Variants in IL17RC observed in about 807,000 individuals in gnomAD.
The protein encoded by IL17RC is interleukin-17 receptor C.
Under a neutral mutation model 86.7 loss-of-function variants are expected in IL17RC, and 53 were observed. That is an observed-to-expected ratio of 0.61 (90% CI 0.49 to 0.77). The LOEUF is 0.77. Ranked by LOEUF, IL17RC falls within the 30% of genes least tolerant of loss-of-function variation. The pLI is 0.00. For synonymous variants in IL17RC, 439 were observed against 413.1 expected, an observed-to-expected ratio of 1.06 and a Z score of -0.76; for missense variants, 957 against 940.0, an observed-to-expected ratio of 1.02 and a Z score of -0.24.
intron 5 of IL17RC, among the ~76,000 whole-genome samples, chr3:9,919,743 T>C (rs2083395219): frequency 6.6e-6 from 1 of 152,072 alleles, no homozygotes. Context: ...ACTGAATAAT[T>C]TCAATAAATT....
chr3:9,928,112 G>A (rs2084266416), intron 9 of IL17RC, 54 bp from the exon 10 acceptor site: 2 of 1,560,136 alleles, frequency 1.3e-6, no homozygotes, highest in Non-Finnish European at 1.8e-6. Context: ...TCCAGCAGAG[G>A]GCCAGGCACA....
At position 9,917,969 on chromosome 3, in the gene IL17RC, C is replaced by T. The variant is rs781402767; in HGVS notation, c.174C>T (p.Gly58=). The change falls in exon 3 of 19, where the codon GGC becomes GGT. Residue 58 remains glycine (G), a synonymous_variant. Transcript: ENST00000403601. ...CTGGGGACATCGTGCCTGCTCCGGG[C>T]CCCGTGCTGGCGCCTACGCACCTGC... The part of the protein sequence containing the change: ...CLPGDIVPAP[G]PVLAPTHLQT... 6.2e-7 allele frequency: 1 copy of T among 1,613,736 alleles called. No individual in the cohort carries two copies. Among genetic ancestry groups the T allele is most frequent in the East Asian group, 2.2e-5 (1 of 44,880 alleles).
Position 9,930,565 on chromosome 3 carries a change from A to T in IL17RC, c.1338+106A>T. The T allele has an allele frequency of 8.6e-7, 1 of 1,169,108 alleles. No individual in the cohort carries two copies. The highest frequency in any genetic ancestry group is 1.2e-6 in the Non-Finnish European group (1 of 808,084). The allele number at this position is 1,169,108 out of a possible 1,614,324, so 72.4% of individuals were successfully genotyped here. ...GGCTTATTTTATGTTCAGCCCTGGG[A>T]AAGTTAAGAGTAGAAGAAGCACAGT... is the stretch of plus-strand genomic sequence containing the variant. On this transcript the variant is annotated intron_variant, in intron 15 of 18. Coordinates refer to ENST00000403601, the MANE Select transcript of IL17RC (RefSeq NM_153460.4). This position sits in a 1 kb window ranked among gnomAD's most constrained non-coding sequence, Gnocchi z 5.8.
chr3:9,921,055 C>A, intron 7 of IL17RC, 86 bp downstream of exon 7: 1 of 749,534 alleles, frequency 1.3e-6, no homozygotes, highest in Non-Finnish European at 2.2e-6. Flanking sequence ...CAGATATGGG[C>A]TACCACATCT....
intron 12 of IL17RC, 41 bp downstream of exon 12, chr3:9,928,671 T>C (rs763273039): frequency 1.2e-6 from 2 of 1,603,584 alleles, no homozygotes; most frequent in South Asian, 1.1e-5. Flanking sequence ...AGGCTGGACC[T>C]GGGCAGACCC....
chr3:9,917,559 G>C, intron 1 of IL17RC, 139 bp downstream of exon 1: 1 of 1,614,196 alleles, frequency 6.2e-7, no homozygotes, highest in Non-Finnish European at 8.5e-7. Flanking sequence ...TGGTAGAAGA[G>C]AAGAACGGGG....
chr3:9,917,266 G>C lies in IL17RC; in HGVS notation c.-50G>C, dbSNP rs761009750. 2.0e-6 allele frequency: 3 copies of C among 1,464,958 alleles called. No individual in the cohort carries two copies. The highest frequency in any genetic ancestry group is 2.8e-6 in the Non-Finnish European group (3 of 1,076,910). 90.7% of individuals were successfully genotyped at this position (1,464,958 alleles called of 1,614,324 possible). On this transcript the variant is annotated 5_prime_UTR_variant, in exon 1 of 19. Transcript: ENST00000403601. ...TGACTGGGGTGTCTGCCCCCCTTGGGGGGGGGCAGCACAGGGCCTCAGGCC... is the reference window on the plus strand; with the variant it reads ...TGACTGGGGTGTCTGCCCCCCTTGGCGGGGGGCAGCACAGGGCCTCAGGCC...
At chr3:9,919,402 T>C (rs2083359367) in intron 5 of IL17RC, among the ~76,000 whole-genome samples, 1 of 152,164 alleles carries the variant, frequency 6.6e-6, no homozygotes, top group African/African-American at 2.4e-5. Context: ...CCCAGCACTT[T>C]GGGAGGCTGA....
intron 7 of IL17RC, among the ~76,000 whole-genome samples, chr3:9,922,619 G>A (rs1399194011): frequency 6.6e-6 from 1 of 152,214 alleles, no homozygotes; most frequent in Non-Finnish European, 1.5e-5. Context: ...CACGGAGCTG[G>A]TGTCAGGGTC....
intron 7 of IL17RC, among the ~76,000 whole-genome samples, chr3:9,923,206 G>C (rs1353855646): frequency 6.7e-6 from 1 of 148,742 alleles, no homozygotes; most frequent in Non-Finnish European, 1.5e-5. Context: ...AAAAAAGAGA[G>C]AGAAACAGTA....
intron 12 of IL17RC, chr3:9,928,962 T>C (rs1164370634): frequency 3.3e-6 from 1 of 305,720 alleles, no homozygotes; most frequent in African/African-American, 2.2e-5. Context: ...CTATCCTTAT[T>C]CTATTTCCAT....
chr3:9,931,466 C>CATATATAT (rs1466191337), intron 16 of IL17RC, among the ~76,000 whole-genome samples: 104 of 15,530 alleles, frequency 6.7e-3, no homozygotes, highest in South Asian at 0.038. Flanking sequence ...CACACACACA[C>CATATATAT]ACACATATAT....
intron 7 of IL17RC, 74 bp from the exon 8 acceptor site, chr3:9,923,807 A>G (rs1575556472): frequency 6.6e-7 from 1 of 1,525,136 alleles, no homozygotes; most frequent in African/African-American, 1.4e-5. Flanking sequence ...TTTGAAGGAA[A>G]CTCCAAAGGG....
chr3:9,924,338 A>T, intron 9 of IL17RC, 47 bp downstream of exon 9: 1 of 1,562,662 alleles, frequency 6.4e-7, no homozygotes, highest in Non-Finnish European at 8.8e-7. Flanking sequence ...TGGGAAGATG[A>T]TGATGGGGGT....
Position 9,928,645 on chromosome 3 carries a change from C to T in IL17RC, c.1110+15C>T. Reference sequence around the variant, plus strand: ...TCTGTGTTCAGGTCAGAAAGGGGTGCATAGTGCTGGGCTGGAGGCTGGACC... The same window carrying T: ...TCTGTGTTCAGGTCAGAAAGGGGTGTATAGTGCTGGGCTGGAGGCTGGACC... On this transcript the variant is annotated intron_variant, in intron 12 of 18. Transcript: ENST00000403601. The T allele has an allele frequency of 1.2e-6, 2 of 1,613,390 alleles. No homozygotes were observed. The highest frequency in any genetic ancestry group is 1.1e-5 in the South Asian group (1 of 91,070).
chr3:9,921,011 G>T, intron 7 of IL17RC, 42 bp downstream of exon 7: 2 of 1,383,270 alleles, frequency 1.4e-6, no homozygotes, highest in Non-Finnish European at 9.9e-7. Context: ...GGAGGGGCAG[G>T]GTCTGGAGTA....
Position 9,932,641 on chromosome 3 carries a change from C to T in IL17RC, c.1421C>T (p.Ala474Val), listed in dbSNP as rs779443326. The change falls in exon 17 of 19, where the codon GCC becomes GTC. Residue 474 changes from alanine (A) to valine (V), a missense_variant. Transcript: ENST00000403601. ...IHKRWALVWLACLLFAAALSL... is the reference protein window; with the variant it reads ...IHKRWALVWLVCLLFAAALSL... ...AAGCGCTGGGCCCTCGTGTGGCTGG[C>T]CTGCCTACTCTTTGCCGCTGCGCTT... The T allele has an allele frequency of 1.2e-6, 2 of 1,614,068 alleles. No homozygotes were observed. The highest frequency in any genetic ancestry group is 1.7e-6 in the Non-Finnish European group (2 of 1,180,032).
chr3:9,919,515 G>A (rs1305943005), intron 5 of IL17RC, among the ~76,000 whole-genome samples: 1 of 152,026 alleles, frequency 6.6e-6, no homozygotes, highest in African/African-American at 2.4e-5. Flanking sequence ...GCATGGTGGT[G>A]GGCGCCTGTA....
chr3:9,923,412 G>A (rs1036260408), intron 7 of IL17RC, among the ~76,000 whole-genome samples: 5 of 151,828 alleles, frequency 3.3e-5, no homozygotes, highest in Admixed American at 3.3e-4. Context: ...AACTAGCCGG[G>A]GGTGGTGACA....
Sources: gnomAD v4.1 joint callset for allele counts (sites outside exome capture counted in the v4.1 genomes callset) on GRCh38, gnomAD v4.1.1 for gene constraint, Gnocchi (gnomAD v3.1) non-coding constraint, MANE v1.5 for transcripts, NCBI Gene and HGNC (gene_info 2026-07-23, HGNC 2026-07-21) for gene names.